KDM4C: variants seen among roughly 807,000 people sequenced by gnomAD.
The protein encoded by KDM4C is lysine-specific demethylase 4C.
Under a neutral mutation model 129.3 loss-of-function variants are expected in KDM4C, and 81 were observed. The ratio of observed to expected loss-of-function variants is 0.63; its 90% CI spans 0.52 to 0.75. KDM4C has a LOEUF of 0.75. Ranked by LOEUF, KDM4C falls within the 30% of genes least tolerant of loss-of-function variation. KDM4C has a pLI of 0.00. For missense variants in KDM4C, 1,457 were observed against 1,304.0 expected (o/e 1.12, Z -1.81); for synonymous variants, 573 against 456.1 (o/e 1.26, Z -3.26).
chr9:7,023,669 A>G (rs947650201), intron 15 of KDM4C, among the ~76,000 whole-genome samples: 1 of 151,686 alleles, frequency 6.6e-6, no homozygotes, highest in South Asian at 2.1e-4. Context: ...TTTTTCGTCT[A>G]ATTTTGTGTT....
chr9:6,789,299 C>T (rs1182145019), intron 1 of KDM4C, among the ~76,000 whole-genome samples: 1 of 148,810 alleles, frequency 6.7e-6, no homozygotes, highest in Non-Finnish European at 1.5e-5. Context: ...CAGCTCACTG[C>T]AACCTCCGCC....
chr9:7,089,104 A>G (rs906090298), intron 17 of KDM4C, among the ~76,000 whole-genome samples: 1 of 152,262 alleles, frequency 6.6e-6, no homozygotes, highest in Non-Finnish European at 1.5e-5. Context: ...TAGAGCTGCT[A>G]AAATTTGGAA....
At chr9:6,721,663 A>G (rs1816959224) in intron 1 of KDM4C, among the ~76,000 whole-genome samples, 1 of 143,896 alleles carries the variant, frequency 6.9e-6, no homozygotes, top group Admixed American at 7.4e-5. Flanking sequence ...GTCTCGGCTC[A>G]CTGCAACCTC....
At chr9:6,857,287 AAAAC>A (rs1233282216) in intron 5 of KDM4C, among the ~76,000 whole-genome samples, 2 of 152,234 alleles carry the variant, frequency 1.3e-5, no homozygotes, top group African/African-American at 4.8e-5. Flanking sequence ...AAAACAAACA[AAAAC>A]AAACCCCAAA....
At chr9:7,170,062 A>G (rs1338126609) in intron 21 of KDM4C, 172 bp downstream of exon 21, 23 of 1,505,438 alleles carry the variant, frequency 1.5e-5, no homozygotes, top group Non-Finnish European at 2.0e-5. Flanking sequence ...AAATTCAACC[A>G]AAATCGGGGA....
intron 14 of KDM4C, 68 bp from the exon 15 acceptor site, chr9:7,015,783 AGT>A: frequency 9.8e-7 from 1 of 1,023,320 alleles, no homozygotes; most frequent in Admixed American, 1.8e-5. Context: ...TATTTATTTC[AGT>A]ACTGAGATCT....
chr9:6,946,176 G>A (rs943128109), intron 8 of KDM4C, among the ~76,000 whole-genome samples: 3 of 152,082 alleles, frequency 2.0e-5, no homozygotes, highest in African/African-American at 7.2e-5. Context: ...TACTATACAT[G>A]GAGAGATTTT....
chr9:6,734,597 ATTCCTCTGT>A (rs1339180180), intron 1 of KDM4C: 1 of 233,542 alleles, frequency 4.3e-6, no homozygotes, highest in African/African-American at 2.3e-5. Flanking sequence ...CCTGGCCTGC[ATTCCTCTGT>A]TTCTTGCCCT....
chr9:7,025,497 C>A (rs1433872259), intron 15 of KDM4C, among the ~76,000 whole-genome samples: 1 of 152,018 alleles, frequency 6.6e-6, no homozygotes, highest in South Asian at 2.1e-4. Context: ...TTAATTTCTT[C>A]CTTTTTATTT....
intron 8 of KDM4C, among the ~76,000 whole-genome samples, chr9:6,967,952 C>T (rs1199231169): frequency 6.6e-6 from 1 of 152,074 alleles, no homozygotes. Context: ...TTAATAGTTT[C>T]TCATGGGATA....
intron 18 of KDM4C, among the ~76,000 whole-genome samples, chr9:7,118,035 T>TA (rs1839103191): frequency 6.6e-6 from 1 of 152,208 alleles, no homozygotes; most frequent in Non-Finnish European, 1.5e-5. Context: ...CTGCTATAGC[T>TA]AAAGATGGTT....
rs147247138 is a variant in KDM4C, at chr9:7,040,145, C to T, written c.2260-6717C>T. On this transcript the variant is annotated intron_variant, in intron 15 of 21. Transcript: ENST00000381309. The stretch of plus-strand genomic sequence containing the variant: ...ATCCTACTTCATGAACAGTGTAAGA[C>T]TCTTAAAACAGTATAACTTCATTAG... Among the ~76,000 whole-genome samples, 475 of 152,196 alleles carry T rather than the reference C, an allele frequency of 3.1e-3. 2 individuals carry two copies. Among genetic ancestry groups the T allele is most frequent in the African/African-American group, 1.0e-2 (415 of 41,544 alleles).
chr9:6,930,794 A>T (rs2131304558), intron 8 of KDM4C, among the ~76,000 whole-genome samples: 1 of 151,326 alleles, frequency 6.6e-6, no homozygotes, highest in African/African-American at 2.4e-5. Context: ...CCTTTTCAGC[A>T]ATGAATGTTC....
chr9:7,066,065 A>G (rs1412684715), intron 17 of KDM4C, among the ~76,000 whole-genome samples: 3 of 152,136 alleles, frequency 2.0e-5, no homozygotes, highest in African/African-American at 7.2e-5. Flanking sequence ...TATTTGAAAT[A>G]TAATAAAATC....
chr9:6,872,520 C>T (rs187651854), intron 5 of KDM4C, among the ~76,000 whole-genome samples: 1 of 152,290 alleles, frequency 6.6e-6, no homozygotes, highest in South Asian at 2.1e-4. Context: ...CTTTGTAGGT[C>T]TCTAAGAACT....
intron 17 of KDM4C, among the ~76,000 whole-genome samples, chr9:7,069,883 C>G (rs138089970): frequency 6.6e-6 from 1 of 152,256 alleles, no homozygotes; most frequent in Non-Finnish European, 1.5e-5. Flanking sequence ...TATTAAGGTT[C>G]TCACACCAGA....
intron 2 of KDM4C, among the ~76,000 whole-genome samples, chr9:6,803,532 T>C (rs1829395794): frequency 6.7e-6 from 1 of 149,948 alleles, no homozygotes; most frequent in African/African-American, 2.5e-5. Flanking sequence ...ATTGGGCCAT[T>C]GGAGTCCAGC....
intron 19 of KDM4C, among the ~76,000 whole-genome samples, chr9:7,140,120 C>G (rs1427383551): frequency 6.6e-6 from 1 of 152,106 alleles, no homozygotes; most frequent in Non-Finnish European, 1.5e-5. Flanking sequence ...CAGGTGTTTC[C>G]CATGTATTAG....
rs977185568 is a variant in KDM4C, at chr9:6,781,913, C to T, written c.-17-11059C>T. 2.0e-5 allele frequency among the ~76,000 whole-genome samples: 3 copies of T among 151,976 alleles called. 1 individual carries two copies. The highest frequency in any genetic ancestry group is 6.8e-3 in the Middle Eastern group (2 of 294). ...ATCTCGGCTCACCTGCAGTCTCAGC[C>T]TCCTGGGTTCAGGCTATTCTCCTGC... On this transcript the variant is annotated intron_variant, in intron 1 of 21. Transcript: ENST00000381309.
Sources: gnomAD v4.1 joint callset for allele counts (sites outside exome capture counted in the v4.1 genomes callset) on GRCh38, gnomAD v4.1.1 for gene constraint, MANE v1.5 for transcripts, NCBI Gene and HGNC (gene_info 2026-07-23, HGNC 2026-07-21) for gene names.